SERPINB6: variants seen among roughly 807,000 people sequenced by gnomAD.
SERPINB6 encodes serpin B6.
SERPINB6 carries 16 observed loss-of-function variants against 26.1 expected under a neutral mutation model. That is an observed-to-expected ratio of 0.61 (90% CI 0.42 to 0.93). The LOEUF (loss-of-function observed/expected upper bound fraction) is 0.93, where lower values mean the gene tolerates loss of function less well. SERPINB6 is among the 40% of genes least tolerant of loss of function. The probability of loss-of-function intolerance (pLI) is 0.00; values close to 1 mark genes in which losing one functional copy is unlikely to be tolerated. For missense variants in SERPINB6, 420 were observed against 478.0 expected, an observed-to-expected ratio of 0.88 and a Z score of 1.13; for synonymous variants, 174 against 176.6, an observed-to-expected ratio of 0.99 and a Z score of 0.11.
At chr6:2,969,789 G>GT (rs1305119915) in intron 1 of SERPINB6, 3 of 377,464 alleles carry the variant, frequency 7.9e-6, no homozygotes, top group Non-Finnish European at 6.9e-6. Context: ...TGTGTGTGTT[G>GT]TGTGTGTATG....
Position 2,953,122 on chromosome 6 carries a change from A to T in SERPINB6, c.495T>A (p.Asn165Lys). 1 of 1,614,230 alleles carries T rather than the reference A, an allele frequency of 6.2e-7. No homozygotes were observed. Among genetic ancestry groups the T allele is most frequent in the Non-Finnish European group, 8.5e-7 (1 of 1,180,030 alleles). The part of the protein sequence containing the change: ...VDPLTRLVLV[N>K]AVYFRGNWDE... ...CCCAGTTTCCTCTGAAATAGACAGCATTCACCAGAACCAGCCTTGTCAATG... is the reference window on the plus strand; with the variant it reads ...CCCAGTTTCCTCTGAAATAGACAGCTTTCACCAGAACCAGCCTTGTCAATG... The change falls in exon 5 of 7, where the codon AAT (asparagine) becomes AAA (lysine). Residue 165 changes from asparagine (N) to lysine (K), a missense_variant. Asn to Lys is a moderately conservative substitution (Grantham distance 94). Transcript: ENST00000380539.
chr6:2,958,608 G>A (rs911438591), intron 2 of SERPINB6, among the ~76,000 whole-genome samples: 5 of 152,106 alleles, frequency 3.3e-5, no homozygotes, highest in African/African-American at 1.2e-4. Flanking sequence ...CCAGCGCCCC[G>A]CTGAGCCCCC....
chr6:2,968,019 A>G (rs1268217117), intron 1 of SERPINB6: 1 of 152,262 alleles, frequency 6.6e-6, no homozygotes, highest in African/African-American at 2.4e-5. Context: ...CCGCAGCACT[A>G]TTCACAATAG....
intron 5 of SERPINB6, among the ~76,000 whole-genome samples, chr6:2,952,167 AT>A (rs1411740754): frequency 4.6e-5 from 7 of 152,236 alleles, no homozygotes; most frequent in Non-Finnish European, 1.0e-4. Flanking sequence ...GAGAGAAATT[AT>A]TTTGCCAGGG....
At chr6:2,971,207 C>G (rs910896500) in intron 1 of SERPINB6, 1 of 984,420 alleles carries the variant, frequency 1.0e-6, no homozygotes, top group Non-Finnish European at 1.2e-6. Context: ...TCCTCGGGTC[C>G]GCGGCGTCAC....
chr6:2,962,952 T>C lies in SERPINB6; in HGVS notation c.-10-3610A>G, dbSNP rs79890116. Among the ~76,000 whole-genome samples, 430 of 152,318 alleles carry C rather than the reference T, an allele frequency of 2.8e-3. 4 individuals are homozygous for C. The highest frequency in any genetic ancestry group is 9.9e-3 in the African/African-American group (413 of 41,566). On this transcript the variant is annotated intron_variant, in intron 1 of 6. Coordinates refer to ENST00000380539, the MANE Select transcript of SERPINB6 (RefSeq NM_004568.6). ...AACAGGAACAAGATAAAAATATCTG[T>C]CGTCCCAACCTTGTGTAACTTTGTT... is the stretch of plus-strand genomic sequence containing the variant.
chr6:2,965,906 C>A (rs996734252), intron 1 of SERPINB6, among the ~76,000 whole-genome samples: 1 of 152,210 alleles, frequency 6.6e-6, no homozygotes, highest in African/African-American at 2.4e-5. Flanking sequence ...CAGCACAGGG[C>A]ACACACTCTT....
At chr6:2,951,175 C>A (rs1049839848) in intron 5 of SERPINB6, among the ~76,000 whole-genome samples, 50 of 152,128 alleles carry the variant, frequency 3.3e-4, no homozygotes, top group African/African-American at 1.2e-3. Flanking sequence ...CACCTGAGGT[C>A]AGGAGTTCGA....
chr6:2,964,444 A>T (rs1386475916), intron 1 of SERPINB6, among the ~76,000 whole-genome samples: 3 of 152,232 alleles, frequency 2.0e-5, no homozygotes, highest in Non-Finnish European at 2.9e-5. Flanking sequence ...TACAATTTAA[A>T]TTTATCCATG....
rs532009217 is a variant in SERPINB6, at chr6:2,968,524, T to C, written c.-11+3009A>G. ...TCTCTTCTGACCTTATTCCCTCATTTACACTTTTCATCATGATATTTGATT... is the reference window on the plus strand; with the variant it reads ...TCTCTTCTGACCTTATTCCCTCATTCACACTTTTCATCATGATATTTGATT... On this transcript the variant is annotated intron_variant, in intron 1 of 6. Transcript: ENST00000380539. 16 of 1,155,550 alleles carry C rather than the reference T, an allele frequency of 1.4e-5. No homozygotes were observed. In the East Asian group the frequency reaches 5.6e-4, roughly 40 times the overall value. 71.6% of individuals were successfully genotyped at this position (1,155,550 alleles called of 1,614,324 possible).
intron 1 of SERPINB6, among the ~76,000 whole-genome samples, chr6:2,964,168 T>C (rs1336594044): frequency 6.6e-6 from 1 of 152,202 alleles, no homozygotes; most frequent in Non-Finnish European, 1.5e-5. Flanking sequence ...CAGTATTTCC[T>C]GAGTATGATT....
chr6:2,951,205 G>A (rs1482288830), intron 5 of SERPINB6, among the ~76,000 whole-genome samples: 2 of 151,996 alleles, frequency 1.3e-5, no homozygotes, highest in Admixed American at 1.3e-4. Flanking sequence ...GACCAACATG[G>A]TGAAACCCCG....
At chr6:2,970,610 A>G in intron 1 of SERPINB6, 3 of 1,221,506 alleles carry the variant, frequency 2.5e-6, no homozygotes, top group Non-Finnish European at 3.1e-6. Flanking sequence ...CCAGAAAGCA[A>G]AAGTGCCCAA....
At chr6:2,962,854 A>G (rs1771266262) in intron 1 of SERPINB6, among the ~76,000 whole-genome samples, 1 of 152,216 alleles carries the variant, frequency 6.6e-6, no homozygotes, top group Non-Finnish European at 1.5e-5. Flanking sequence ...TGCTTCCTTA[A>G]CAAGGTAAGA....
chr6:2,953,607 G>A (rs1770073577), intron 4 of SERPINB6, among the ~76,000 whole-genome samples: 1 of 152,130 alleles, frequency 6.6e-6, no homozygotes, highest in Non-Finnish European at 1.5e-5. Context: ...GAGGTGTGAG[G>A]ATCACTTGAG....
chr6:2,954,958 G>A (rs1402412736), intron 3 of SERPINB6: 1 of 460,406 alleles, frequency 2.2e-6, no homozygotes, highest in African/African-American at 2.0e-5. Flanking sequence ...GGGGGGCCGA[G>A]GCGGGTGGAT....
rs749885575 is a variant in SERPINB6 at position 2,949,088 on chromosome 6, A to C, written c.574-19T>G. 5.0e-6 allele frequency: 8 copies of C among 1,613,218 alleles called. No individual in the cohort carries two copies. The highest frequency in any genetic ancestry group is 5.9e-6 in the Non-Finnish European group (7 of 1,179,764). On this transcript the variant is annotated intron_variant, in intron 5 of 6. Transcript: ENST00000380539. ...CCTCATTCTACAAAGAAAACAGATA[A>C]ACATCAAGTTGAAACAAGACCCCAC...
rs1370021506 is a variant in SERPINB6 at position 2,955,795 on chromosome 6, G to C, written c.166-125C>G. 2.7e-6 allele frequency: 3 copies of C among 1,106,170 alleles called. No homozygotes were observed. In the East Asian group the frequency reaches 7.7e-5, roughly 28 times the overall value. The allele number at this position is 1,106,170 out of a possible 1,614,324, so 68.5% of individuals were successfully genotyped here. ...ATTACTGCTTAAAAGATCTATCCGA[G>C]GCTGGGCGCAGCAGCTCACGCCTAT... On this transcript the variant is annotated intron_variant, in intron 2 of 6. Coordinates refer to ENST00000380539, the MANE Select transcript of SERPINB6 (RefSeq NM_004568.6).
intron 5 of SERPINB6, among the ~76,000 whole-genome samples, chr6:2,951,389 A>G (rs1259266176): frequency 6.0e-5 from 5 of 83,910 alleles, no homozygotes; most frequent in Middle Eastern, 5.5e-3. Context: ...TCTGTCTTGG[A>G]AAAAATAAAA....
Sources: allele counts gnomAD v4.1 joint callset (sites outside exome capture counted in the v4.1 genomes callset), GRCh38; gene constraint gnomAD v4.1.1; transcripts MANE v1.5; gene names NCBI Gene and HGNC (gene_info 2026-07-23, HGNC 2026-07-21).